The following CPM variants were observed in gnomAD, a reference collection of about 807,000 sequenced individuals.
CPM encodes carboxypeptidase M.
CPM carries 35 observed loss-of-function variants against 46.4 expected under a neutral mutation model. The ratio of observed to expected loss-of-function variants is 0.75; its 90% confidence interval spans 0.58 to 1.00. CPM has a LOEUF of 1.00. Ranked by LOEUF, CPM falls within the 50% of genes least tolerant of loss-of-function variation. The pLI, the probability that CPM is intolerant of heterozygous loss-of-function variation, is 0.00. For missense variants in CPM, 422 were observed against 530.4 expected, an observed-to-expected ratio of 0.80 and a Z score of 2.01; for synonymous variants, 195 against 195.3, an observed-to-expected ratio of 1.00 and a Z score of 0.01.
chr12:68,858,858 C>A, intron 8 of CPM, 65 bp downstream of exon 8: 1 of 1,066,098 alleles, frequency 9.4e-7, no homozygotes. Flanking sequence ...TGGATTCCTT[C>A]TGGGTGAATA....
At chr12:68,953,053 G>A (rs1888959941) in intron 1 of CPM, among the ~76,000 whole-genome samples, 2 of 152,166 alleles carry the variant, frequency 1.3e-5, no homozygotes, top group Admixed American at 1.3e-4. Context: ...AGAAGGTAAT[G>A]TCAGGCCAGG....
chr12:68,917,999 C>G (rs1006851449), intron 2 of CPM, among the ~76,000 whole-genome samples: 48 of 152,260 alleles, frequency 3.2e-4, no homozygotes, highest in African/African-American at 1.1e-3. Context: ...TCCTGCTGTT[C>G]CTGCACCATA....
intron 2 of CPM, among the ~76,000 whole-genome samples, chr12:68,889,197 T>C (rs1165058318): frequency 1.3e-5 from 2 of 152,152 alleles, no homozygotes; most frequent in Non-Finnish European, 2.9e-5. Context: ...ACTTGAGAGG[T>C]AGTTGATATT....
At chr12:68,891,904 T>C (rs781512222) in intron 2 of CPM, among the ~76,000 whole-genome samples, 3 of 152,132 alleles carry the variant, frequency 2.0e-5, no homozygotes, top group Non-Finnish European at 4.4e-5. Flanking sequence ...GGCCAACTCA[T>C]GTTTGTATTT....
intron 1 of CPM, among the ~76,000 whole-genome samples, chr12:68,959,452 C>G (rs574275342): frequency 6.6e-6 from 1 of 152,138 alleles, no homozygotes; most frequent in Non-Finnish European, 1.5e-5. Flanking sequence ...AGGTCTTGTA[C>G]TACGCTGTTA....
intron 2 of CPM, among the ~76,000 whole-genome samples, chr12:68,905,127 C>T (rs1248602921): frequency 6.6e-6 from 1 of 152,128 alleles, no homozygotes; most frequent in Non-Finnish European, 1.5e-5. Flanking sequence ...CCAGGCTGGT[C>T]TTGAACTCCT....
chr12:68,932,597 G>A, intron 2 of CPM, 81 bp downstream of exon 2: 1 of 1,525,588 alleles, frequency 6.6e-7, no homozygotes, highest in Admixed American at 1.7e-5. Context: ...TGGAAGAGCA[G>A]ACAGGAAGCT....
chr12:68,931,521 G>C (rs1338080595), intron 2 of CPM, among the ~76,000 whole-genome samples: 1 of 151,920 alleles, frequency 6.6e-6, no homozygotes, highest in Non-Finnish European at 1.5e-5. Flanking sequence ...GAAGCAGGAG[G>C]ATCACAAGGT....
chr12:68,895,977 C>T (rs1210108004), intron 2 of CPM, among the ~76,000 whole-genome samples: 1 of 152,116 alleles, frequency 6.6e-6, no homozygotes, highest in African/African-American at 2.4e-5. Context: ...TCAATGACTC[C>T]CCATGGCATT....
intron 1 of CPM, among the ~76,000 whole-genome samples, chr12:68,956,977 G>T (rs750405229): frequency 1.3e-5 from 2 of 152,076 alleles, no homozygotes; most frequent in Non-Finnish European, 2.9e-5. Context: ...ATGAACAATG[G>T]TGCTAATAAC....
chr12:68,922,521 T>C (rs1408887201), intron 2 of CPM, among the ~76,000 whole-genome samples: 1 of 152,226 alleles, frequency 6.6e-6, no homozygotes, highest in East Asian at 1.9e-4. Context: ...TTACTGCCTT[T>C]GTATCCCCAC....
rs1884669639 is a variant in CPM, at chr12:68,851,406, T to G, written c.*5031A>C. ...GCAGGCAGATCATGAGGTCAGGAGA[T>G]CGAGACCATCCTGGCTAACACGGTG... On this transcript the variant is annotated 3_prime_UTR_variant, in exon 9 of 9. Coordinates refer to ENST00000551568, the MANE Select transcript of CPM (RefSeq NM_198320.5). 1 of 152,420 alleles carries G rather than the reference T, an allele frequency of 6.6e-6. No homozygotes were observed. The highest frequency in any genetic ancestry group is 6.6e-5 in the Admixed American group (1 of 15,250). 9.4% of individuals were successfully genotyped at this position (152,420 alleles called of 1,614,324 possible).
At chr12:68,864,234 C>T (rs1157510916) in intron 7 of CPM, among the ~76,000 whole-genome samples, 1 of 152,192 alleles carries the variant, frequency 6.6e-6, no homozygotes, top group East Asian at 1.9e-4. Context: ...CACCTGAGGT[C>T]AGGAGTTCAA....
chr12:68,942,409 G>T (rs140680215), intron 1 of CPM, among the ~76,000 whole-genome samples: 1 of 152,146 alleles, frequency 6.6e-6, no homozygotes. Flanking sequence ...ATCAAAAAGC[G>T]TACCATAGGA....
At chr12:68,952,446 A>G (rs1010023394) in intron 1 of CPM, among the ~76,000 whole-genome samples, 3 of 152,198 alleles carry the variant, frequency 2.0e-5, no homozygotes, top group African/African-American at 7.2e-5. Context: ...CCCCATCTCC[A>G]GGACGGGCTA....
chr12:68,931,002 C>G (rs866581197), intron 2 of CPM, among the ~76,000 whole-genome samples: 4 of 151,926 alleles, frequency 2.6e-5, no homozygotes, highest in African/African-American at 9.7e-5. Context: ...CTACTCTAGC[C>G]CTAGGGAAAA....
chr12:68,895,269 C>A (rs1152932), intron 2 of CPM, among the ~76,000 whole-genome samples: 5,665 of 151,910 alleles, frequency 0.037, 356 homozygotes, highest in African/African-American at 0.13. Flanking sequence ...GAAATGTGGG[C>A]AGAAATGGTA....
chr12:68,870,677 C>G (rs1413940785), intron 4 of CPM, among the ~76,000 whole-genome samples: 2 of 152,204 alleles, frequency 1.3e-5, no homozygotes, highest in African/African-American at 2.4e-5. Context: ...CTCTTAGATG[C>G]TCCCTTTTGG....
chr12:68,924,883 T>C (rs1434260788), intron 2 of CPM, among the ~76,000 whole-genome samples: 1 of 152,150 alleles, frequency 6.6e-6, no homozygotes, highest in African/African-American at 2.4e-5. Flanking sequence ...TCATGAGAGA[T>C]CTGTGTATGT....
Sources: allele counts gnomAD v4.1 joint callset (sites outside exome capture counted in the v4.1 genomes callset), GRCh38; gene constraint gnomAD v4.1.1; transcripts MANE v1.5; gene names NCBI Gene and HGNC (gene_info 2026-07-23, HGNC 2026-07-21).